FNDC3B: variants seen among roughly 807,000 people sequenced by gnomAD.
The protein encoded by FNDC3B is fibronectin type III domain-containing protein 3B.
A neutral mutation model predicts 151.5 loss-of-function variants in FNDC3B; 12 were observed. The ratio of observed to expected loss-of-function variants is 0.08; its 90% CI spans 0.05 to 0.13. The LOEUF is 0.13. Among genes scored for constraint, FNDC3B ranks in the 10% least tolerant of loss-of-function variants. FNDC3B has a pLI of 1.00. For synonymous variants in FNDC3B, 528 were observed against 549.0 expected (o/e 0.96, Z 0.54); for missense variants, 1,214 against 1,505.3 (o/e 0.81, Z 3.20).
At chr3:172,365,598 T>C (rs939253793) in intron 23 of FNDC3B, among the ~76,000 whole-genome samples, 1 of 152,142 alleles carries the variant, frequency 6.6e-6, no homozygotes, top group Non-Finnish European at 1.5e-5. Context: ...GTTGAAAGGA[T>C]TTTTCCCCCA....
intron 1 of FNDC3B, among the ~76,000 whole-genome samples, chr3:172,061,119 C>T (rs1041491401): frequency 6.6e-6 from 1 of 152,180 alleles, no homozygotes; most frequent in Admixed American, 6.5e-5. Flanking sequence ...CTTTGCTCTT[C>T]CTTCCCTGAT....
At chr3:172,154,847 C>T (rs979905916) in intron 3 of FNDC3B, among the ~76,000 whole-genome samples, 5 of 152,052 alleles carry the variant, frequency 3.3e-5, no homozygotes, top group Non-Finnish European at 7.4e-5. Flanking sequence ...TTTGAGCCTT[C>T]GTGATCTCTC....
intron 4 of FNDC3B, among the ~76,000 whole-genome samples, chr3:172,238,674 A>T (rs925438048): frequency 6.6e-6 from 1 of 152,184 alleles, no homozygotes; most frequent in African/African-American, 2.4e-5. Flanking sequence ...TACCTGAAGA[A>T]CAAGCTTGCC....
At chr3:172,344,289 A>G (rs1262609845) in intron 19 of FNDC3B, 31 bp downstream of exon 19, 1 of 1,566,400 alleles carries the variant, frequency 6.4e-7, no homozygotes, top group African/African-American at 1.4e-5. Context: ...CATAACCAGA[A>G]TCAGAATGCA....
intron 3 of FNDC3B, among the ~76,000 whole-genome samples, chr3:172,180,680 G>A (rs1369568985): frequency 6.6e-6 from 1 of 152,222 alleles, no homozygotes; most frequent in Admixed American, 6.5e-5. Context: ...TTGATCCGGA[G>A]TGTGGAACTC....
chr3:172,347,201 T>C lies in FNDC3B; in HGVS notation c.2365-11T>C, dbSNP rs1733653908. 1 of 1,606,792 alleles carries C rather than the reference T, an allele frequency of 6.2e-7. No individual in the cohort carries two copies. Among genetic ancestry groups the C allele is most frequent in the African/African-American group, 1.3e-5 (1 of 74,774 alleles). Reference sequence around the variant, plus strand: ...TGGCATTATTAACTACTTCCATTTCTGCCTTTCCAGAGTCCTGATAGTTCT... The same window carrying C: ...TGGCATTATTAACTACTTCCATTTCCGCCTTTCCAGAGTCCTGATAGTTCT... On this transcript the variant is annotated splice_polypyrimidine_tract_variant and intron_variant, in intron 20 of 25. Coordinates refer to ENST00000415807, the MANE Select transcript of FNDC3B (RefSeq NM_022763.4).
chr3:172,261,648 G>A (rs1205986674), intron 6 of FNDC3B, among the ~76,000 whole-genome samples: 1 of 152,190 alleles, frequency 6.6e-6, no homozygotes, highest in African/African-American at 2.4e-5. Context: ...CAAGTGTGAT[G>A]TGGGAAAGGT....
intron 3 of FNDC3B, among the ~76,000 whole-genome samples, chr3:172,175,881 GA>G (rs1473247127): frequency 6.6e-6 from 1 of 152,154 alleles, no homozygotes. Context: ...GCACTATGTG[GA>G]TGGAAATGAA....
chr3:172,187,726 C>T (rs1336794186), intron 3 of FNDC3B, among the ~76,000 whole-genome samples: 1 of 152,114 alleles, frequency 6.6e-6, no homozygotes, highest in African/African-American at 2.4e-5. Context: ...GCCATCTCAG[C>T]TTAGGTGTTC....
intron 22 of FNDC3B, among the ~76,000 whole-genome samples, chr3:172,360,687 G>A (rs1319022632): frequency 6.6e-6 from 1 of 152,098 alleles, no homozygotes; most frequent in Non-Finnish European, 1.5e-5. Context: ...TGAAAAGACT[G>A]TCTTTTCTCC....
chr3:172,086,559 A>T (rs1718555781), intron 1 of FNDC3B, among the ~76,000 whole-genome samples: 1 of 152,186 alleles, frequency 6.6e-6, no homozygotes, highest in Non-Finnish European at 1.5e-5. Flanking sequence ...GTGACTCTTT[A>T]TGTAAAAATT....
chr3:172,198,694 C>A (rs1322016502), intron 3 of FNDC3B, among the ~76,000 whole-genome samples: 1 of 152,188 alleles, frequency 6.6e-6, no homozygotes, highest in African/African-American at 2.4e-5. Flanking sequence ...TGTGGATACT[C>A]CATGTTGCGC....
intron 15 of FNDC3B, 28 bp from the exon 16 acceptor site, chr3:172,337,302 G>T: frequency 6.8e-7 from 1 of 1,464,670 alleles, no homozygotes; most frequent in South Asian, 1.2e-5. Context: ...TCCTTTTATT[G>T]CTAATAAGAC....
At chr3:172,229,119 ACACACACACACACACAC>A (rs1560028730) in intron 4 of FNDC3B, among the ~76,000 whole-genome samples, 42 of 151,278 alleles carry the variant, frequency 2.8e-4, no homozygotes, top group Middle Eastern at 6.8e-3. Flanking sequence ...ACACACACAC[ACACACACACACACACAC>A]AATCTCCTGC....
chr3:172,342,950 G>A, intron 17 of FNDC3B, 61 bp from the exon 18 acceptor site: 4 of 1,030,722 alleles, frequency 3.9e-6, no homozygotes, highest in Admixed American at 1.7e-5. Context: ...TGCCTGATAT[G>A]TAGAGGTCTG....
intron 12 of FNDC3B, chr3:172,330,199 C>A: frequency 5.7e-6 from 1 of 176,240 alleles, no homozygotes; most frequent in Non-Finnish European, 1.2e-5. Flanking sequence ...CTACACACAT[C>A]CTTCTCTCCT....
intron 3 of FNDC3B, among the ~76,000 whole-genome samples, chr3:172,176,632 T>C (rs1380433235): frequency 6.6e-6 from 1 of 152,144 alleles, no homozygotes. Flanking sequence ...AATGAGATAA[T>C]GTGAGAGTGC....
chr3:172,231,642 T>C (rs13077747), intron 4 of FNDC3B, among the ~76,000 whole-genome samples: 94,269 of 151,964 alleles, frequency 0.62, 31,203 homozygotes, highest in African/African-American at 0.88. Flanking sequence ...TTCACTGTCC[T>C]GTCTTTACAT....
At chr3:172,296,422 G>A (rs905139162) in intron 8 of FNDC3B, among the ~76,000 whole-genome samples, 1 of 152,170 alleles carries the variant, frequency 6.6e-6, no homozygotes, top group South Asian at 2.1e-4. Context: ...AAGGACTCAA[G>A]CCCTGTGGCT....
Sources: allele counts gnomAD v4.1 joint callset (sites outside exome capture counted in the v4.1 genomes callset), GRCh38; gene constraint gnomAD v4.1.1; transcripts MANE v1.5; gene names NCBI Gene and HGNC (gene_info 2026-07-23, HGNC 2026-07-21).